Variants in GRIN2A observed in about 807,000 individuals in gnomAD.
GRIN2A encodes glutamate receptor ionotropic, NMDA 2A.
In GRIN2A, 22 loss-of-function variants were observed where a neutral mutation model predicts 113.4. The ratio of observed to expected loss-of-function variants is 0.19; its 90% CI spans 0.14 to 0.28. The LOEUF is 0.28. GRIN2A is among the 10% of genes least tolerant of loss of function. The pLI, the probability that GRIN2A is intolerant of heterozygous loss-of-function variation, is 1.00. For missense variants in GRIN2A, 1,502 were observed against 1,887.0 expected (o/e 0.80, Z 3.78); for synonymous variants, 827 against 738.4 (o/e 1.12, Z -1.94).
Position 9,768,792 on chromosome 16 carries a change from C to T in GRIN2A, c.2595+59G>A, listed in dbSNP as rs141208060. 3 of 1,131,466 alleles carry T rather than the reference C, an allele frequency of 2.7e-6. No homozygotes were observed. In the African/African-American group the frequency reaches 4.6e-5, roughly 17 times the overall value. The allele number at this position is 1,131,466 out of a possible 1,614,324, so 70.1% of individuals were successfully genotyped here. Reference sequence around the variant, plus strand: ...GCAGACCCCACTGAGACATCAAGAACCCAAGCGCTTTTCTAAACCTGCTTG... The same window carrying T: ...GCAGACCCCACTGAGACATCAAGAATCCAAGCGCTTTTCTAAACCTGCTTG... On this transcript the variant is annotated intron_variant, in intron 12 of 12. Coordinates refer to ENST00000330684, the MANE Select transcript of GRIN2A (RefSeq NM_001134407.3).
intron 4 of GRIN2A, among the ~76,000 whole-genome samples, chr16:9,880,628 C>G (rs2043460289): frequency 6.6e-6 from 1 of 152,160 alleles, no homozygotes; most frequent in Non-Finnish European, 1.5e-5. Flanking sequence ...TCACTGGAGA[C>G]CATTCTAAGA....
At chr16:10,176,955 C>T (rs139882903) in intron 2 of GRIN2A, among the ~76,000 whole-genome samples, 2 of 152,196 alleles carry the variant, frequency 1.3e-5, no homozygotes, top group African/African-American at 4.8e-5. Flanking sequence ...ATCATGTTGC[C>T]AATGTAGAAG....
At chr16:10,123,293 A>C (rs2048868186) in intron 2 of GRIN2A, among the ~76,000 whole-genome samples, 1 of 152,156 alleles carries the variant, frequency 6.6e-6, no homozygotes, top group Non-Finnish European at 1.5e-5. Flanking sequence ...GCGTACTTAG[A>C]TGTAATACTA....
intron 2 of GRIN2A, among the ~76,000 whole-genome samples, chr16:10,125,792 G>A (rs1366326545): frequency 3.3e-5 from 5 of 152,162 alleles, no homozygotes; most frequent in Admixed American, 6.5e-5. Context: ...AAAATCAGGC[G>A]TCCTACAGGG....
chr16:9,955,215 G>A (rs1289513382), intron 2 of GRIN2A, among the ~76,000 whole-genome samples: 1 of 152,120 alleles, frequency 6.6e-6, no homozygotes, highest in East Asian at 1.9e-4. Context: ...GGATACCAAT[G>A]GGATATGTAG....
intron 2 of GRIN2A, among the ~76,000 whole-genome samples, chr16:10,134,369 A>C (rs1224702719): frequency 6.6e-6 from 1 of 151,956 alleles, no homozygotes; most frequent in African/African-American, 2.4e-5. Context: ...TAAGAGTTTT[A>C]ACCGTCATTT....
At position 10,089,372 on chromosome 16, in the gene GRIN2A, A is replaced by T. The variant is rs145727903; in HGVS notation, c.414+90626T>A. On this transcript the variant is annotated intron_variant, in intron 2 of 12. Coordinates refer to ENST00000330684, the MANE Select transcript of GRIN2A (RefSeq NM_001134407.3). ...GAAACGTTTACAGTAAATATGTGCA[A>T]TTTTTTGTATGTCAACTATACCTCA... Among the ~76,000 whole-genome samples, 153 of 152,296 alleles carry T rather than the reference A, an allele frequency of 1.0e-3. 1 individual carries two copies. Among genetic ancestry groups the T allele is most frequent in the African/African-American group, 3.4e-3 (142 of 41,568 alleles).
intron 2 of GRIN2A, among the ~76,000 whole-genome samples, chr16:10,142,722 C>T (rs905961110): frequency 6.6e-6 from 1 of 152,040 alleles, no homozygotes; most frequent in Non-Finnish European, 1.5e-5. Flanking sequence ...AAATTTAAAC[C>T]AACCAAAGAC....
At chr16:10,061,052 A>G (rs1234766785) in intron 2 of GRIN2A, among the ~76,000 whole-genome samples, 1 of 152,198 alleles carries the variant, frequency 6.6e-6, no homozygotes, top group Non-Finnish European at 1.5e-5. Flanking sequence ...ATCAGAGATG[A>G]CCAACAATAG....
Position 9,821,790 on chromosome 16 carries a change from G to A in GRIN2A, c.2168+474C>T, listed in dbSNP as rs1296801060. Among the ~76,000 whole-genome samples, 4 of 152,054 alleles carry A rather than the reference G, an allele frequency of 2.6e-5. No homozygotes were observed. The East Asian group carries it at 5.8e-4, about 22-fold the overall frequency. ...ATGCTAACTGTAACTTGAATGATTT[G>A]AGTTCTCATTGCTTTTCTCCCATCT... On this transcript the variant is annotated intron_variant, in intron 10 of 12. Coordinates refer to ENST00000330684, the MANE Select transcript of GRIN2A (RefSeq NM_001134407.3).
At chr16:9,923,083 C>A (rs894128919) in intron 3 of GRIN2A, among the ~76,000 whole-genome samples, 1 of 152,204 alleles carries the variant, frequency 6.6e-6, no homozygotes, top group African/African-American at 2.4e-5. Flanking sequence ...AAATCTCCTA[C>A]TATAATTATG....
intron 2 of GRIN2A, among the ~76,000 whole-genome samples, chr16:9,954,498 T>C (rs2045260340): frequency 6.6e-6 from 1 of 152,146 alleles, no homozygotes; most frequent in South Asian, 2.1e-4. Context: ...ACAGAGCTTA[T>C]TAAAAACTCA....
chr16:9,938,697 G>C lies in GRIN2A; in HGVS notation c.415-146C>G, dbSNP rs921127519. On this transcript the variant is annotated intron_variant, in intron 2 of 12. Transcript: ENST00000330684. ...AGCATCTACTATATCCCAGACTCCAGAACAGATCCTGCAAATACAGAGAGG... is the reference window on the plus strand; with the variant it reads ...AGCATCTACTATATCCCAGACTCCACAACAGATCCTGCAAATACAGAGAGG... The C allele has an allele frequency of 4.4e-6, 3 of 685,460 alleles. No homozygotes were observed. The Admixed American group carries it at 6.2e-5, about 14-fold the overall frequency. 42.5% of individuals were successfully genotyped at this position (685,460 alleles called of 1,614,324 possible). A position where few individuals can be genotyped will look rare whatever the true frequency, so the allele number is the denominator to read the frequency against.
intron 2 of GRIN2A, among the ~76,000 whole-genome samples, chr16:10,170,798 GC>G (rs1175286779): frequency 6.6e-6 from 1 of 151,176 alleles, no homozygotes; most frequent in Admixed American, 6.6e-5. Context: ...GATCACCTAA[GC>G]CCAGGAGGTT....
chr16:9,860,009 T>G (rs1169839711), intron 4 of GRIN2A, among the ~76,000 whole-genome samples: 5 of 151,564 alleles, frequency 3.3e-5, no homozygotes, highest in Admixed American at 2.0e-4. Flanking sequence ...TCCCTAGAGT[T>G]TCCAGTCTCG....
chr16:10,101,431 G>T (rs556968187), intron 2 of GRIN2A, among the ~76,000 whole-genome samples: 1 of 152,280 alleles, frequency 6.6e-6, no homozygotes, highest in Admixed American at 6.5e-5. Flanking sequence ...TGTCCCAAAG[G>T]ATGAAAACCT....
chr16:10,070,174 G>A (rs1224389409), intron 2 of GRIN2A, among the ~76,000 whole-genome samples: 1 of 152,110 alleles, frequency 6.6e-6, no homozygotes, highest in Non-Finnish European at 1.5e-5. Context: ...CCCTTCCCTG[G>A]ACATGGGTCC....
intron 11 of GRIN2A, among the ~76,000 whole-genome samples, chr16:9,770,974 T>C (rs1044783562): frequency 6.6e-6 from 1 of 152,242 alleles, no homozygotes; most frequent in African/African-American, 2.4e-5. Context: ...AGTAAGTCTG[T>C]GTTTCAGCTT....
At chr16:9,794,650 T>C (rs1047838941) in intron 11 of GRIN2A, 1 of 152,174 alleles carries the variant, frequency 6.6e-6, no homozygotes, top group African/African-American at 2.4e-5. Flanking sequence ...AATAGAGACA[T>C]TTCCCAAACC....
Sources: gnomAD v4.1 joint callset for allele counts (sites outside exome capture counted in the v4.1 genomes callset) on GRCh38, gnomAD v4.1.1 for gene constraint, MANE v1.5 for transcripts, NCBI Gene and HGNC (gene_info 2026-07-23, HGNC 2026-07-21) for gene names.